XKR4: variants seen among roughly 807,000 people sequenced by gnomAD.
The protein encoded by XKR4 is XK related 4.
XKR4 carries 12 observed loss-of-function variants against 53.9 expected under a neutral mutation model. The ratio of observed to expected loss-of-function variants is 0.22; its 90% CI spans 0.14 to 0.36. The LOEUF is 0.36. Among genes scored for constraint, XKR4 ranks in the 10% least tolerant of loss-of-function variants. The probability of loss-of-function intolerance (pLI) is 1.00; values close to 1 mark genes in which losing one functional copy is unlikely to be tolerated. For missense variants in XKR4, 799 were observed against 859.5 expected, an observed-to-expected ratio of 0.93 and a Z score of 0.88; for synonymous variants, 354 against 362.4, an observed-to-expected ratio of 0.98 and a Z score of 0.26.
At chr8:55,397,983 T>C (rs1804546742) in intron 2 of XKR4, among the ~76,000 whole-genome samples, 2 of 152,240 alleles carry the variant, frequency 1.3e-5, no homozygotes. Flanking sequence ...CAGCATTATT[T>C]GAAATCAGCC....
intron 1 of XKR4, among the ~76,000 whole-genome samples, chr8:55,327,260 C>T (rs1803307912): frequency 6.6e-6 from 1 of 151,694 alleles, no homozygotes; most frequent in African/African-American, 2.4e-5. Context: ...AGTCAGGGCA[C>T]TTTTATTGAA....
At chr8:55,289,646 A>AAGGAAGGAAGG (rs1563316459) in intron 1 of XKR4, among the ~76,000 whole-genome samples, 14 of 87,024 alleles carry the variant, frequency 1.6e-4, no homozygotes, top group African/African-American at 7.3e-4. Context: ...AGAAAGAAAG[A>AAGGAAGGAAGG]AAGGAAGGAA....
intron 1 of XKR4, among the ~76,000 whole-genome samples, chr8:55,167,157 G>T (rs1031537063): frequency 2.0e-5 from 3 of 152,200 alleles, no homozygotes; most frequent in African/African-American, 2.4e-5. Context: ...GCCATGGCTT[G>T]AGCAAATGGC....
chr8:55,262,141 TTAAC>T (rs1818535146), intron 1 of XKR4, among the ~76,000 whole-genome samples: 1 of 152,214 alleles, frequency 6.6e-6, no homozygotes, highest in African/African-American at 2.4e-5. Flanking sequence ...TTTATGGACA[TTAAC>T]AAATAGGTAG....
At chr8:55,400,811 T>C (rs1322067993) in intron 2 of XKR4, among the ~76,000 whole-genome samples, 1 of 152,186 alleles carries the variant, frequency 6.6e-6, no homozygotes, top group Non-Finnish European at 1.5e-5. Context: ...CTCTTCCACG[T>C]TGTATTCATA....
At position 55,245,126 on chromosome 8, in the gene XKR4, C is replaced by T. The variant is rs961054258; in HGVS notation, c.807-112552C>T. Among the ~76,000 whole-genome samples the T allele has an allele frequency of 5.7e-4, 86 of 152,066 alleles. 1 individual carries two copies. Among genetic ancestry groups the T allele is most frequent in the African/African-American group, 2.0e-3 (81 of 41,476 alleles). ...TTCACCATGTTGGCAAGGCTGGTCT[C>T]GAACTCCTGACCTCAGATGATCCAC... is the stretch of plus-strand genomic sequence containing the variant. On this transcript the variant is annotated intron_variant, in intron 1 of 2. Coordinates refer to ENST00000327381, the MANE Select transcript of XKR4 (RefSeq NM_052898.2).
intron 1 of XKR4, among the ~76,000 whole-genome samples, chr8:55,255,879 A>G (rs13273951): frequency 0.79 from 119,112 of 151,630 alleles, 49,050 homozygotes; most frequent in Non-Finnish European, 0.92. Flanking sequence ...TGAAGATGGT[A>G]GACAAAGGGT....
intron 1 of XKR4, among the ~76,000 whole-genome samples, chr8:55,217,103 G>A (rs1372113398): frequency 3.3e-5 from 5 of 151,840 alleles, no homozygotes; most frequent in South Asian, 2.1e-4. Context: ...TTAGCCGGGC[G>A]TGGTGGCGGG....
intron 2 of XKR4, among the ~76,000 whole-genome samples, chr8:55,515,871 G>A (rs755544113): frequency 1.3e-5 from 2 of 152,178 alleles, no homozygotes; most frequent in African/African-American, 2.4e-5. Context: ...CATGTACCCC[G>A]TGAGTGTGAA....
At chr8:55,395,164 A>T (rs1046446158) in intron 2 of XKR4, among the ~76,000 whole-genome samples, 3 of 152,056 alleles carry the variant, frequency 2.0e-5, no homozygotes, top group African/African-American at 7.2e-5. Flanking sequence ...AGCTTTATGA[A>T]GTGATTTTGG....
At chr8:55,245,256 G>A (rs1345028699) in intron 1 of XKR4, among the ~76,000 whole-genome samples, 1 of 151,938 alleles carries the variant, frequency 6.6e-6, no homozygotes, top group Non-Finnish European at 1.5e-5. Context: ...GTTGGTTTAA[G>A]TTCCTCATAG....
intron 1 of XKR4, among the ~76,000 whole-genome samples, chr8:55,187,798 G>A (rs967491292): frequency 3.3e-5 from 5 of 152,268 alleles, no homozygotes; most frequent in African/African-American, 1.2e-4. Context: ...ATCACCAATC[G>A]CTGAAAACAT....
chr8:55,334,399 T>A (rs771444719), intron 1 of XKR4, among the ~76,000 whole-genome samples: 9 of 152,160 alleles, frequency 5.9e-5, no homozygotes, highest in Non-Finnish European at 1.2e-4. Context: ...CATGATAACA[T>A]CTCCATCTAT....
In XKR4 at chr8:55,313,060, C is replaced by T. The variant is rs538894482; in HGVS notation, c.807-44618C>T. ...CTCTGGTTTTATAGCATTTTAATTG[C>T]TGTTTTAATCCTGTGTTTTATATAA... On this transcript the variant is annotated intron_variant, in intron 1 of 2. Coordinates refer to ENST00000327381, the MANE Select transcript of XKR4 (RefSeq NM_052898.2). Among the ~76,000 whole-genome samples, 22 of 152,240 alleles carry T rather than the reference C, an allele frequency of 1.4e-4. No homozygotes were observed. The East Asian group carries it at 4.2e-3, about 29-fold the overall frequency.
chr8:55,452,330 C>A, intron 2 of XKR4: 1 of 638,386 alleles, frequency 1.6e-6, no homozygotes, highest in Non-Finnish European at 2.9e-6. Context: ...AGGAGCGGAA[C>A]ACCACCTTCT....
intron 1 of XKR4, among the ~76,000 whole-genome samples, chr8:55,289,641 G>GAA (rs1367935557): frequency 4.4e-5 from 5 of 114,018 alleles, no homozygotes; most frequent in Non-Finnish European, 7.2e-5. Context: ...AAGAAAGAAA[G>GAA]AAAGAAAGGA....
rs74512771 is a variant in XKR4, at chr8:55,272,012, C to T, written c.807-85666C>T. 6.3e-3 allele frequency among the ~76,000 whole-genome samples: 958 copies of T among 152,252 alleles called. 8 individuals carry two copies. The highest frequency in any genetic ancestry group is 9.7e-3 in the Non-Finnish European group (663 of 68,012). On this transcript the variant is annotated intron_variant, in intron 1 of 2. Transcript: ENST00000327381. ...TTGTCCATTTGTATCTTCAGTCTCT[C>T]AAGACAATAATGTGAATGAAGAATT...
At chr8:55,522,396 G>A (rs887295187) in intron 2 of XKR4, among the ~76,000 whole-genome samples, 3 of 152,184 alleles carry the variant, frequency 2.0e-5, no homozygotes, top group Admixed American at 2.0e-4. Context: ...AACAGATAAA[G>A]GCTGTAGGAA....
Position 55,533,943 on chromosome 8 carries a change from C to T in XKR4, c.*9716C>T, listed in dbSNP as rs577145567. 6.6e-6 allele frequency: 1 copy of T among 152,070 alleles called. No individual in the cohort carries two copies. Among genetic ancestry groups the T allele is most frequent in the South Asian group, 2.1e-4 (1 of 4,824 alleles). 9.4% of individuals were successfully genotyped at this position (152,070 alleles called of 1,614,324 possible). Reference sequence around the variant, plus strand: ...TGCTTCATTTGTTTTTTCCAGTAAACGCTGTTTTGAAAAAAAAGAAAAATA... The same window carrying T: ...TGCTTCATTTGTTTTTTCCAGTAAATGCTGTTTTGAAAAAAAAGAAAAATA... On this transcript the variant is annotated 3_prime_UTR_variant, in exon 3 of 3. Coordinates refer to ENST00000327381, the MANE Select transcript of XKR4 (RefSeq NM_052898.2).
Sources: gnomAD v4.1 joint callset for allele counts (sites outside exome capture counted in the v4.1 genomes callset) on GRCh38, gnomAD v4.1.1 for gene constraint, MANE v1.5 for transcripts, NCBI Gene and HGNC (gene_info 2026-07-23, HGNC 2026-07-21) for gene names.